The following IL1RAPL2 variants were observed in gnomAD, a reference collection of about 807,000 sequenced individuals.
The protein encoded by IL1RAPL2 is interleukin 1 receptor accessory protein like 2.
Under a neutral mutation model 44.1 loss-of-function variants are expected in IL1RAPL2, and 3 were observed. That is an observed-to-expected ratio of 0.07 (90% CI 0.03 to 0.18). The LOEUF (loss-of-function observed/expected upper bound fraction) is 0.18, where lower values mean the gene tolerates loss of function less well. IL1RAPL2 is among the 10% of genes least tolerant of loss of function. IL1RAPL2 has a pLI of 1.00. For missense variants in IL1RAPL2, 391 were observed against 496.4 expected, an observed-to-expected ratio of 0.79 and a Z score of 2.02; for synonymous variants, 181 against 178.8, an observed-to-expected ratio of 1.01 and a Z score of -0.10.
At chrX:104,853,806 G>A (rs1434051944) in intron 2 of IL1RAPL2, among the ~76,000 whole-genome samples, 1 of 106,440 alleles carries the variant, frequency 9.4e-6, no homozygotes, top group Non-Finnish European at 1.9e-5. Context: ...GGGAGGCTGA[G>A]GCAGGAGAAT....
intron 3 of IL1RAPL2, among the ~76,000 whole-genome samples, chrX:105,229,116 T>C (rs2034044642): frequency 8.9e-6 from 1 of 112,084 alleles, no homozygotes; most frequent in Admixed American, 9.5e-5. Flanking sequence ...GTCTGCCTCC[T>C]CAACCTCACA....
chrX:105,194,656 G>T (rs1246639004), intron 2 of IL1RAPL2, among the ~76,000 whole-genome samples: 4 of 111,445 alleles, frequency 3.6e-5, no homozygotes, highest in African/African-American at 1.3e-4. Flanking sequence ...AGGCCTAAGG[G>T]TATAAAGAGA....
chrX:104,570,942 TTG>T (rs1928134479), intron 1 of IL1RAPL2, among the ~76,000 whole-genome samples: 1 of 109,859 alleles, frequency 9.1e-6, no homozygotes, highest in African/African-American at 3.3e-5. Context: ...AAGCAAACTT[TTG>T]TTTTTTTTTT....
chrX:105,397,618 A>G (rs1256866580), intron 5 of IL1RAPL2, among the ~76,000 whole-genome samples: 1 of 111,436 alleles, frequency 9.0e-6, no homozygotes, highest in African/African-American at 3.3e-5. Flanking sequence ...AGATACATAG[A>G]GAAACAGAGA....
At chrX:105,756,728 AT>A (rs920436995) in intron 10 of IL1RAPL2, among the ~76,000 whole-genome samples, 1 of 110,350 alleles carries the variant, frequency 9.1e-6, no homozygotes, top group Non-Finnish European at 1.9e-5. Context: ...TCCTATATTT[AT>A]TTTTTCCCCA....
At chrX:104,611,541 G>C (rs938774943) in intron 1 of IL1RAPL2, among the ~76,000 whole-genome samples, 12 of 111,336 alleles carry the variant, frequency 1.1e-4, no homozygotes, top group African/African-American at 3.9e-4. Context: ...TGCTGCACTA[G>C]CAGCAAGAAT....
At chrX:105,225,988 C>T (rs984595239) in intron 3 of IL1RAPL2, among the ~76,000 whole-genome samples, 10 of 111,625 alleles carry the variant, frequency 9.0e-5, no homozygotes, top group Non-Finnish European at 1.5e-4. Context: ...AGAGAATAGC[C>T]TTAGAAGATA....
chrX:104,650,779 A>T (rs1930138842), intron 1 of IL1RAPL2, among the ~76,000 whole-genome samples: 1 of 112,020 alleles, frequency 8.9e-6, no homozygotes, highest in Non-Finnish European at 1.9e-5. Context: ...AAAAGAAGCT[A>T]CATTTTATAA....
intron 2 of IL1RAPL2, among the ~76,000 whole-genome samples, chrX:104,909,366 G>T (rs755288019): frequency 9.3e-4 from 105 of 112,305 alleles, no homozygotes; most frequent in African/African-American, 3.3e-3. Flanking sequence ...TCTCTGTCCA[G>T]CTTTGTTCCG....
At chrX:104,726,318 C>T (rs1269646364) in intron 2 of IL1RAPL2, among the ~76,000 whole-genome samples, 1 of 111,430 alleles carries the variant, frequency 9.0e-6, no homozygotes, top group African/African-American at 3.3e-5. Flanking sequence ...AGCGTGATGC[C>T]TCTAGCTTTG....
intron 6 of IL1RAPL2, among the ~76,000 whole-genome samples, chrX:105,579,622 T>G (rs1451092145): frequency 9.0e-6 from 1 of 111,623 alleles, no homozygotes; most frequent in Non-Finnish European, 1.9e-5. Flanking sequence ...TGCCTTCTAT[T>G]ATCACATTTA....
Position 104,871,474 on chromosome X carries a change from T to C in IL1RAPL2, c.82+212479T>C, listed in dbSNP as rs753562095. 8.0e-5 allele frequency among the ~76,000 whole-genome samples: 9 copies of C among 111,987 alleles called. No homozygotes were observed. The South Asian group carries it at 3.3e-3, about 41-fold the overall frequency. ...TTTATCCAATAAAGGAATTATCTTG[T>C]TGATGTTTAAGTTCCTTTCCAACTC... On this transcript the variant is annotated intron_variant, in intron 2 of 10. Transcript: ENST00000372582.
intron 5 of IL1RAPL2, among the ~76,000 whole-genome samples, chrX:105,419,233 A>G (rs772199618): frequency 1.3e-4 from 14 of 111,879 alleles, no homozygotes; most frequent in Non-Finnish European, 2.6e-4. Flanking sequence ...ACATTTTTCC[A>G]TAGAGTTTGG....
intron 3 of IL1RAPL2, chrX:105,220,349 C>A (rs781885185): frequency 8.3e-7 from 1 of 1,203,708 alleles, no homozygotes; most frequent in East Asian, 3.0e-5. Flanking sequence ...AAGGCCACCA[C>A]GTTGCTATGC....
chrX:104,612,468 C>T (rs113346067), intron 1 of IL1RAPL2, among the ~76,000 whole-genome samples: 6,100 of 111,487 alleles, frequency 0.055, 441 homozygotes, highest in African/African-American at 0.19. Flanking sequence ...TTTTTGTTCA[C>T]TTTGTCAAAG....
chrX:104,701,299 G>A (rs960753383), intron 2 of IL1RAPL2, among the ~76,000 whole-genome samples: 3 of 111,638 alleles, frequency 2.7e-5, no homozygotes, highest in Non-Finnish European at 5.6e-5. Flanking sequence ...TTTTACAGTT[G>A]AGGAAACTGA....
chrX:105,286,920 T>G (rs2034576588), intron 5 of IL1RAPL2, among the ~76,000 whole-genome samples: 1 of 111,886 alleles, frequency 8.9e-6, no homozygotes, highest in African/African-American at 3.2e-5. Flanking sequence ...GCTGCTATTG[T>G]TTCTTCATTA....
At chrX:105,732,293 C>A (rs1602545070) in intron 7 of IL1RAPL2, among the ~76,000 whole-genome samples, 1 of 110,948 alleles carries the variant, frequency 9.0e-6, no homozygotes, top group East Asian at 2.9e-4. Context: ...CTCACCAAAT[C>A]TCATGTGGAA....
intron 6 of IL1RAPL2, among the ~76,000 whole-genome samples, chrX:105,644,773 C>T (rs149322147): frequency 2.7e-5 from 3 of 110,290 alleles, no homozygotes; most frequent in Non-Finnish European, 3.8e-5. Flanking sequence ...CCATGCCCCC[C>T]CAACAGGCCT....
Sources: gnomAD v4.1 joint callset for allele counts (sites outside exome capture counted in the v4.1 genomes callset) on GRCh38, gnomAD v4.1.1 for gene constraint, MANE v1.5 for transcripts, NCBI Gene and HGNC (gene_info 2026-07-23, HGNC 2026-07-21) for gene names.